Variants in GNA12 observed in about 807,000 individuals in gnomAD.
GNA12 encodes guanine nucleotide-binding protein subunit alpha-12.
Under a neutral mutation model 26.0 loss-of-function variants are expected in GNA12, and 9 were observed. That is an observed-to-expected ratio of 0.35 (90% CI 0.21 to 0.60). GNA12 has a LOEUF of 0.60. GNA12 is among the 20% of genes least tolerant of loss of function. GNA12 has a pLI of 0.78. For synonymous variants in GNA12, 264 were observed against 219.6 expected (o/e 1.20, Z -1.79); for missense variants, 405 against 525.8 (o/e 0.77, Z 2.25).
chr7:2,779,287 G>T (rs900288394), intron 2 of GNA12, among the ~76,000 whole-genome samples: 1 of 152,144 alleles, frequency 6.6e-6, no homozygotes, highest in Admixed American at 6.5e-5. Context: ...GGCAGAGGTT[G>T]CAGTGAAACA....
chr7:2,843,372 C>G (rs2533871), intron 1 of GNA12, among the ~76,000 whole-genome samples: 37,103 of 151,658 alleles, frequency 0.24, 5,151 homozygotes, highest in East Asian at 0.33. Context: ...GACCGGGCGC[C>G]ATGACTCATG....
chr7:2,817,895 T>G (rs557645263), intron 1 of GNA12, among the ~76,000 whole-genome samples: 8 of 152,364 alleles, frequency 5.3e-5, no homozygotes, highest in African/African-American at 1.9e-4. Context: ...CCCTTTAGTT[T>G]TATTTTTAAG....
intron 3 of GNA12, among the ~76,000 whole-genome samples, chr7:2,732,689 G>T (rs1789961855): frequency 6.6e-6 from 1 of 152,210 alleles, no homozygotes; most frequent in African/African-American, 2.4e-5. Context: ...ACCACCCACG[G>T]GGTGTGCAGG....
Position 2,756,379 on chromosome 7 carries a change from A to G in GNA12, c.526-22878T>C, listed in dbSNP as rs530984012. Among the ~76,000 whole-genome samples the G allele has an allele frequency of 3.3e-5, 5 of 152,370 alleles. No individual in the cohort carries two copies. The East Asian group carries it at 9.6e-4, about 29-fold the overall frequency. ...CTGAAAAAAACATAGGATGTCAGGT[A>G]TGGTGGCTCACATTTATAATCCTAC... On this transcript the variant is annotated intron_variant, in intron 2 of 3. Coordinates refer to ENST00000275364, the MANE Select transcript of GNA12 (RefSeq NM_007353.3).
In GNA12 at chr7:2,810,250, G is replaced by A. The variant is rs184274991; in HGVS notation, c.310-15107C>T. ...GGGCCCACTTTCTGGCTCCTAGACG[G>A]TGATTTCTCACTGTGTCCTCAGATG... On this transcript the variant is annotated intron_variant, in intron 1 of 3. Transcript: ENST00000275364. 9.6e-4 allele frequency among the ~76,000 whole-genome samples: 146 copies of A among 152,274 alleles called. 1 individual carries two copies. Among genetic ancestry groups the A allele is most frequent in the African/African-American group, 3.3e-3 (137 of 41,544 alleles).
intron 1 of GNA12, among the ~76,000 whole-genome samples, chr7:2,807,896 C>G (rs758783216): frequency 2.0e-5 from 3 of 152,172 alleles, no homozygotes; most frequent in Non-Finnish European, 4.4e-5. Context: ...AGAGCAGCCG[C>G]TGAGCTCATG....
chr7:2,795,362 G>A (rs1435617263), intron 1 of GNA12, among the ~76,000 whole-genome samples: 1 of 152,166 alleles, frequency 6.6e-6, no homozygotes, highest in East Asian at 1.9e-4. Flanking sequence ...GCCGAGAGCA[G>A]TGGCTCACAC....
intron 2 of GNA12, among the ~76,000 whole-genome samples, chr7:2,735,684 C>G (rs1158493879): frequency 1.3e-5 from 2 of 152,216 alleles, no homozygotes; most frequent in East Asian, 3.8e-4. Flanking sequence ...TTTAACTCAT[C>G]ACAGCATTTG....
chr7:2,781,755 A>T (rs1275958465), intron 2 of GNA12, among the ~76,000 whole-genome samples: 5 of 152,156 alleles, frequency 3.3e-5, no homozygotes, highest in African/African-American at 1.2e-4. Context: ...TTGCAGGCCA[A>T]AGTTTGCTAA....
At position 2,842,227 on chromosome 7, in the gene GNA12, A is replaced by T. The variant is rs571050395; in HGVS notation, c.309+1626T>A. ...AGCAAGGCTGCACTGTTCCCTCATC[A>T]TCAGTTTCCTCCAGATCTTCCTTGA... On this transcript the variant is annotated intron_variant, in intron 1 of 3. Coordinates refer to ENST00000275364, the MANE Select transcript of GNA12 (RefSeq NM_007353.3). 3.3e-5 allele frequency among the ~76,000 whole-genome samples: 5 copies of T among 152,286 alleles called. No homozygotes were observed. In the South Asian group the frequency reaches 6.2e-4, roughly 19 times the overall value.
At chr7:2,815,044 A>G (rs985901619) in intron 1 of GNA12, 73 of 1,487,872 alleles carry the variant, frequency 4.9e-5, no homozygotes, top group Non-Finnish European at 6.3e-5. Flanking sequence ...TGTCAAAGCC[A>G]CCAAGCGCCG....
At position 2,780,714 on chromosome 7, in the gene GNA12, T is replaced by C. The variant is rs573730180; in HGVS notation, c.525+14214A>G. On this transcript the variant is annotated intron_variant, in intron 2 of 3. Coordinates refer to ENST00000275364, the MANE Select transcript of GNA12 (RefSeq NM_007353.3). Reference sequence around the variant, plus strand: ...ATCATAATGTTTGTGAGATTGATCATATTGCTGAGAGCTGTCCTCTGCTCA... The same window carrying C: ...ATCATAATGTTTGTGAGATTGATCACATTGCTGAGAGCTGTCCTCTGCTCA... Among the ~76,000 whole-genome samples the C allele has an allele frequency of 2.6e-5, 4 of 152,330 alleles. No individual in the cohort carries two copies. In the South Asian group the frequency reaches 8.3e-4, roughly 32 times the overall value.
intron 1 of GNA12, among the ~76,000 whole-genome samples, chr7:2,816,877 T>G (rs899343118): frequency 1.3e-5 from 2 of 152,192 alleles, no homozygotes; most frequent in African/African-American, 4.8e-5. Context: ...GAATGTGCAA[T>G]GCACTCCGGT....
At chr7:2,767,898 G>A (rs1407642873) in intron 2 of GNA12, among the ~76,000 whole-genome samples, 1 of 152,044 alleles carries the variant, frequency 6.6e-6, no homozygotes. Context: ...TCTGTCACCC[G>A]GGCTGGAGTG....
chr7:2,765,092 C>A (rs1453046699), intron 2 of GNA12: 1 of 152,004 alleles, frequency 6.6e-6, no homozygotes, highest in Non-Finnish European at 1.5e-5. Flanking sequence ...AATTTTAATC[C>A]TTGACATTCA....
chr7:2,773,073 A>G (rs1791988583), intron 2 of GNA12, among the ~76,000 whole-genome samples: 3 of 152,230 alleles, frequency 2.0e-5, no homozygotes, highest in African/African-American at 7.2e-5. Context: ...ACTAATCTAC[A>G]GTGATGGAAG....
At position 2,785,461 on chromosome 7, in the gene GNA12, G is replaced by A. The variant is rs78345870; in HGVS notation, c.525+9467C>T. On this transcript the variant is annotated intron_variant, in intron 2 of 3. Transcript: ENST00000275364. The stretch of plus-strand genomic sequence containing the variant: ...ATCACACTATGGAAGTTAATTTAGC[G>A]TGAAAGGTTAAAAACGGTCACACAT... 9.6e-3 allele frequency among the ~76,000 whole-genome samples: 1,457 copies of A among 152,300 alleles called. 10 individuals are homozygous for A. Among genetic ancestry groups the A allele is most frequent in the Middle Eastern group, 0.071 (21 of 294 alleles).
chr7:2,829,744 G>A (rs1413683018), intron 1 of GNA12, among the ~76,000 whole-genome samples: 2 of 152,014 alleles, frequency 1.3e-5, no homozygotes, highest in Non-Finnish European at 2.9e-5. Context: ...ACGGTGTTTC[G>A]GAGCTGCCAT....
chr7:2,781,449 T>TGTGTGTGTG (rs397971357), intron 2 of GNA12, among the ~76,000 whole-genome samples: 1 of 144,956 alleles, frequency 6.9e-6, no homozygotes, highest in Non-Finnish European at 1.5e-5. Flanking sequence ...TGTGTGTGTG[T>TGTGTGTGTG]AGGGTACAAT....
Sources: gnomAD v4.1 joint callset for allele counts (sites outside exome capture counted in the v4.1 genomes callset) on GRCh38, gnomAD v4.1.1 for gene constraint, MANE v1.5 for transcripts, NCBI Gene and HGNC (gene_info 2026-07-23, HGNC 2026-07-21) for gene names.